The following TASP1 variants were observed in gnomAD, a reference collection of about 807,000 sequenced individuals.
The protein encoded by TASP1 is taspase 1.
A neutral mutation model predicts 56.6 loss-of-function variants in TASP1; 16 were observed. The observed-to-expected ratio is 0.28, with a 90% CI of 0.19 to 0.43. TASP1 has a LOEUF of 0.43. Ranked by LOEUF, TASP1 falls within the 20% of genes least tolerant of loss-of-function variation. The probability of loss-of-function intolerance (pLI) is 1.00; values close to 1 mark genes in which losing one functional copy is unlikely to be tolerated. For synonymous variants in TASP1, 179 were observed against 184.2 expected, an observed-to-expected ratio of 0.97 and a Z score of 0.23; for missense variants, 393 against 511.6, an observed-to-expected ratio of 0.77 and a Z score of 2.24.
chr20:13,256,038 G>A, the TASP1 span, among the ~76,000 whole-genome samples: 1 of 152,082 alleles, frequency 6.6e-6, no homozygotes, highest in East Asian at 1.9e-4. Context: ...CAGTAGGAGA[G>A]CATCAGGCTG....
the TASP1 span, among the ~76,000 whole-genome samples, chr20:13,250,563 T>C: frequency 6.6e-6 from 1 of 152,168 alleles, no homozygotes; most frequent in Non-Finnish European, 1.5e-5. Context: ...GGGGATCTTT[T>C]TAAGGTCCTG....
chr20:13,590,455 C>T (rs75944532), intron 4 of TASP1, among the ~76,000 whole-genome samples: 2,493 of 152,122 alleles, frequency 0.016, 34 homozygotes, highest in Non-Finnish European at 0.027. Context: ...CAACAATGAC[C>T]GAATTAGCAA....
chr20:13,622,283 C>G (rs1264773884), intron 4 of TASP1, among the ~76,000 whole-genome samples: 1 of 152,168 alleles, frequency 6.6e-6, no homozygotes, highest in Non-Finnish European at 1.5e-5. Context: ...GAGTCAAGGA[C>G]AGACTGTGCC....
At chr20:13,552,115 A>G (rs1328057234) in intron 8 of TASP1, among the ~76,000 whole-genome samples, 4 of 152,242 alleles carry the variant, frequency 2.6e-5, no homozygotes, top group African/African-American at 9.6e-5. Context: ...ACCAGAGTTT[A>G]TTTAAATCAC....
chr20:13,586,478 T>C (rs1409692891), intron 5 of TASP1, among the ~76,000 whole-genome samples: 1 of 152,126 alleles, frequency 6.6e-6, no homozygotes, highest in Non-Finnish European at 1.5e-5. Context: ...AATTAATCTA[T>C]GGCACCCAAA....
chr20:13,485,139 T>C (rs1459739311), intron 10 of TASP1, among the ~76,000 whole-genome samples: 2 of 151,846 alleles, frequency 1.3e-5, no homozygotes, highest in Non-Finnish European at 1.5e-5. Flanking sequence ...TAAAAAATAA[T>C]AGAATAAAAA....
chr20:13,178,966 T>C, the TASP1 span, among the ~76,000 whole-genome samples: 1 of 152,158 alleles, frequency 6.6e-6, no homozygotes, highest in Non-Finnish European at 1.5e-5. Flanking sequence ...TTTAAGATGA[T>C]GAATATGCTA....
intron 11 of TASP1, among the ~76,000 whole-genome samples, chr20:13,439,511 TC>T (rs2043140984): frequency 6.6e-6 from 1 of 150,932 alleles, no homozygotes. Context: ...TGTTGTGGGG[TC>T]GGGGGAGTGG....
At chr20:13,287,012 G>A in the TASP1 span, among the ~76,000 whole-genome samples, 3 of 152,008 alleles carry the variant, frequency 2.0e-5, no homozygotes, top group East Asian at 3.9e-4. Context: ...GAGAAAGGGC[G>A]TGGTACCAGA....
the TASP1 span, among the ~76,000 whole-genome samples, chr20:13,208,989 G>A: frequency 6.6e-6 from 1 of 152,220 alleles, no homozygotes; most frequent in Non-Finnish European, 1.5e-5. Flanking sequence ...CACCAATGAT[G>A]TTGGGTATGG....
the TASP1 span, among the ~76,000 whole-genome samples, chr20:13,311,576 T>C: frequency 6.6e-6 from 1 of 152,250 alleles, no homozygotes; most frequent in Admixed American, 6.5e-5. Flanking sequence ...AAATGTGGTA[T>C]GTTCACATTA....
chr20:13,176,935 C>A, the TASP1 span, among the ~76,000 whole-genome samples: 1 of 152,060 alleles, frequency 6.6e-6, no homozygotes, highest in African/African-American at 2.4e-5. Context: ...AGGAAAACTA[C>A]AAAACAATGA....
rs913910711 is a variant in TASP1 at position 13,502,550 on chromosome 20, A to G, written c.875-19213T>C. 3.3e-5 allele frequency among the ~76,000 whole-genome samples: 5 copies of G among 152,320 alleles called. No individual in the cohort carries two copies. In the East Asian group the frequency reaches 9.7e-4, roughly 29 times the overall value. On this transcript the variant is annotated intron_variant, in intron 10 of 13. Coordinates refer to ENST00000337743, the MANE Select transcript of TASP1 (RefSeq NM_017714.3). ...TTATTTGGGGATGCATACATATATGATTAAACATTCTGCTTAAAGCAAGGG... is the reference window on the plus strand; with the variant it reads ...TTATTTGGGGATGCATACATATATGGTTAAACATTCTGCTTAAAGCAAGGG...
chr20:13,186,867 A>G, the TASP1 span, among the ~76,000 whole-genome samples: 1 of 152,334 alleles, frequency 6.6e-6, no homozygotes, highest in Admixed American at 6.5e-5. Context: ...AAAAGAAGAA[A>G]CAATCTGAAA....
intron 9 of TASP1, among the ~76,000 whole-genome samples, chr20:13,532,667 G>C (rs1357936524): frequency 6.6e-6 from 1 of 152,132 alleles, no homozygotes; most frequent in Admixed American, 6.6e-5. Flanking sequence ...ATTGTTAGAC[G>C]TAATATCCTG....
intron 9 of TASP1, among the ~76,000 whole-genome samples, chr20:13,531,066 C>T (rs371246640): frequency 6.6e-6 from 1 of 152,096 alleles, no homozygotes; most frequent in Non-Finnish European, 1.5e-5. Flanking sequence ...CAGGATCATG[C>T]GAATTAACGT....
intron 10 of TASP1, among the ~76,000 whole-genome samples, chr20:13,515,493 A>G (rs962793093): frequency 6.7e-6 from 1 of 149,722 alleles, no homozygotes; most frequent in Non-Finnish European, 1.5e-5. Context: ...CTCATCCCAG[A>G]CCCACTGGAT....
chr20:13,212,506 AAC>A, the TASP1 span, among the ~76,000 whole-genome samples: 3 of 151,928 alleles, frequency 2.0e-5, no homozygotes, highest in South Asian at 2.1e-4. Flanking sequence ...AACTCACAGA[AAC>A]ACACACACAC....
At chr20:13,570,635 A>T (rs2046679560) in intron 6 of TASP1, among the ~76,000 whole-genome samples, 1 of 152,136 alleles carries the variant, frequency 6.6e-6, no homozygotes, top group Non-Finnish European at 1.5e-5. Context: ...GGATGGAGGG[A>T]CTATTTTAAA....
Sources: gnomAD v4.1 joint callset for allele counts (sites outside exome capture counted in the v4.1 genomes callset) on GRCh38, gnomAD v4.1.1 for gene constraint, MANE v1.5 for transcripts, NCBI Gene and HGNC (gene_info 2026-07-23, HGNC 2026-07-21) for gene names.